The following KIF26B variants were observed in gnomAD, a reference collection of about 807,000 sequenced individuals.
KIF26B encodes kinesin-like protein KIF26B.
Under a neutral mutation model 151.2 loss-of-function variants are expected in KIF26B, and 63 were observed. The observed-to-expected ratio is 0.42, with a 90% CI of 0.34 to 0.51. The LOEUF (loss-of-function observed/expected upper bound fraction) is 0.51, where lower values mean the gene tolerates loss of function less well. KIF26B is among the 20% of genes least tolerant of loss of function. The pLI is 0.07. For missense variants in KIF26B, 2,813 were observed against 2,913.6 expected (o/e 0.97, Z 0.79); for synonymous variants, 1,357 against 1,262.1 (o/e 1.08, Z -1.59).
chr1:245,393,320 A>C (rs752663204), intron 3 of KIF26B, among the ~76,000 whole-genome samples: 21 of 152,064 alleles, frequency 1.4e-4, no homozygotes, highest in Non-Finnish European at 2.5e-4. Flanking sequence ...TTGTCTCTGC[A>C]TCTTCCTTTT....
At chr1:245,284,706 A>C (rs913591345) in intron 2 of KIF26B, among the ~76,000 whole-genome samples, 5 of 152,212 alleles carry the variant, frequency 3.3e-5, no homozygotes, top group African/African-American at 1.2e-4. Context: ...CTTTTGCCCT[A>C]ATGTGGTGTA....
chr1:245,254,574 T>TTG (rs1157535894), intron 2 of KIF26B, among the ~76,000 whole-genome samples: 2 of 152,226 alleles, frequency 1.3e-5, no homozygotes, highest in Non-Finnish European at 2.9e-5. Context: ...TGAAAGATAC[T>TTG]TGTGGAGATT....
In KIF26B at chr1:245,688,312, G is replaced by T; in HGVS notation, c.5329G>T (p.Gly1777Trp). The change falls in exon 12 of 15, where the codon GGG becomes TGG. Residue 1777 changes from glycine to tryptophan, a missense_variant. This residue lies in a region of KIF26B where 2,060 missense variants were observed against 2,088.6 expected (regional missense o/e 0.99). Coordinates refer to ENST00000407071, the MANE Select transcript of KIF26B (RefSeq NM_018012.4). The part of the protein sequence containing the change: ...VGQGSSSPPG[G>W]KHTPWSTQSL... Reference sequence around the variant, plus strand: ...CCAGGGCTCCAGCTCGCCCCCCGGTGGGAAGCACACGCCCTGGTCCACGCA... The same window carrying T: ...CCAGGGCTCCAGCTCGCCCCCCGGTTGGAAGCACACGCCCTGGTCCACGCA... 1 of 1,595,278 alleles carries T rather than the reference G, an allele frequency of 6.3e-7. No individual in the cohort carries two copies. The highest frequency in any genetic ancestry group is 8.5e-7 in the Non-Finnish European group (1 of 1,178,056).
At chr1:245,434,920 A>C (rs1382807696) in intron 4 of KIF26B, among the ~76,000 whole-genome samples, 1 of 151,980 alleles carries the variant, frequency 6.6e-6, no homozygotes, top group African/African-American at 2.4e-5. Context: ...ATCCTTGTAC[A>C]AGGATATGTC....
At chr1:245,313,514 C>T (rs1447859649) in intron 2 of KIF26B, among the ~76,000 whole-genome samples, 3 of 152,180 alleles carry the variant, frequency 2.0e-5, no homozygotes, top group Non-Finnish European at 4.4e-5. Flanking sequence ...CTGTGTCTTC[C>T]GAGTGTGTAA....
At chr1:245,554,452 T>C (rs948829468) in intron 5 of KIF26B, among the ~76,000 whole-genome samples, 5 of 152,240 alleles carry the variant, frequency 3.3e-5, no homozygotes, top group Admixed American at 2.0e-4. Flanking sequence ...AGGTATTACG[T>C]ATCTTCTATG....
At chr1:245,526,695 C>T (rs756586168) in intron 4 of KIF26B, among the ~76,000 whole-genome samples, 3 of 152,310 alleles carry the variant, frequency 2.0e-5, no homozygotes, top group South Asian at 4.1e-4. Flanking sequence ...AGGTACCCAG[C>T]AAAGAGTTAC....
At chr1:245,462,656 TC>T (rs1659676557) in intron 4 of KIF26B, among the ~76,000 whole-genome samples, 1 of 152,142 alleles carries the variant, frequency 6.6e-6, no homozygotes, top group Non-Finnish European at 1.5e-5. Context: ...AAGTGTCCGT[TC>T]CCCTGTTACT....
At chr1:245,256,776 C>T (rs6677836) in intron 2 of KIF26B, among the ~76,000 whole-genome samples, 7,580 of 152,230 alleles carry the variant, frequency 0.05, 227 homozygotes, top group African/African-American at 0.083. Context: ...ACTGACAAAG[C>T]GGACTCTTTG....
At chr1:245,388,260 C>T (rs1673601093) in intron 3 of KIF26B, among the ~76,000 whole-genome samples, 1 of 152,048 alleles carries the variant, frequency 6.6e-6, no homozygotes, top group Non-Finnish European at 1.5e-5. Context: ...ATTTACATGA[C>T]CACTTTCTTT....
chr1:245,591,608 A>G, intron 5 of KIF26B, among the ~76,000 whole-genome samples: 1 of 152,150 alleles, frequency 6.6e-6, no homozygotes, highest in East Asian at 1.9e-4. Context: ...TCTGACAGCG[A>G]GTGTCACTGA....
intron 2 of KIF26B, among the ~76,000 whole-genome samples, chr1:245,240,763 C>A (rs1201235160): frequency 1.3e-5 from 2 of 152,104 alleles, no homozygotes; most frequent in African/African-American, 2.4e-5. Context: ...GCAGGAGATG[C>A]CGCTGTGGGA....
intron 6 of KIF26B, among the ~76,000 whole-genome samples, chr1:245,605,324 AC>A (rs2043439400): frequency 6.6e-6 from 1 of 152,116 alleles, no homozygotes; most frequent in South Asian, 2.1e-4. Context: ...CAGGGTGGGC[AC>A]CCCTGGAGCC....
At chr1:245,562,260 C>T (rs1400250775) in intron 5 of KIF26B, among the ~76,000 whole-genome samples, 1 of 151,998 alleles carries the variant, frequency 6.6e-6, no homozygotes, top group Admixed American at 6.6e-5. Context: ...CGGTTTGTGG[C>T]TTTAATATTT....
chr1:245,472,521 A>G (rs927620492), intron 4 of KIF26B, among the ~76,000 whole-genome samples: 1 of 152,214 alleles, frequency 6.6e-6, no homozygotes, highest in African/African-American at 2.4e-5. Context: ...TGAATGCTGC[A>G]GTGAGCATTC....
chr1:245,561,774 T>G (rs1043871149), intron 5 of KIF26B, among the ~76,000 whole-genome samples: 2 of 152,230 alleles, frequency 1.3e-5, no homozygotes, highest in African/African-American at 4.8e-5. Flanking sequence ...CTCTGATGGT[T>G]TGATGTGGGT....
At chr1:245,247,573 C>T (rs1043927390) in intron 2 of KIF26B, among the ~76,000 whole-genome samples, 5 of 152,200 alleles carry the variant, frequency 3.3e-5, no homozygotes, top group African/African-American at 4.8e-5. Context: ...AAGCAGGGCA[C>T]GATGGCGTGG....
chr1:245,621,232 G>A (rs530101611), intron 9 of KIF26B, among the ~76,000 whole-genome samples: 3 of 152,170 alleles, frequency 2.0e-5, no homozygotes, highest in African/African-American at 7.2e-5. Context: ...AGTTAAAAGA[G>A]CTTCTGCATG....
intron 4 of KIF26B, among the ~76,000 whole-genome samples, chr1:245,431,891 C>A (rs1004751633): frequency 6.6e-6 from 1 of 152,186 alleles, no homozygotes; most frequent in African/African-American, 2.4e-5. Flanking sequence ...TGCACACCAT[C>A]TGTCCCCTGC....
Sources: allele counts gnomAD v4.1 joint callset (sites outside exome capture counted in the v4.1 genomes callset), GRCh38; gene constraint gnomAD v4.1.1; regional missense constraint gnomAD v4.1.1; transcripts MANE v1.5; gene names NCBI Gene and HGNC (gene_info 2026-07-23, HGNC 2026-07-21).